Variants in CDK19 observed in about 807,000 individuals in gnomAD.
CDK19 encodes the protein cyclin dependent kinase 19, also known as cyclin-dependent kinase 19.
A neutral mutation model predicts 68.3 loss-of-function variants in CDK19; 20 were observed. The ratio of observed to expected loss-of-function variants is 0.29; its 90% CI spans 0.21 to 0.43. The LOEUF is 0.43. Among genes scored for constraint, CDK19 ranks in the 20% least tolerant of loss-of-function variants. CDK19 has a pLI of 1.00. For synonymous variants in CDK19, 221 were observed against 222.8 expected (o/e 0.99, Z 0.07); for missense variants, 339 against 623.5 (o/e 0.54, Z 4.86).
intron 4 of CDK19, among the ~76,000 whole-genome samples, chr6:110,648,524 AT>A (rs1293532159): frequency 1.3e-5 from 2 of 149,694 alleles, no homozygotes; most frequent in Non-Finnish European, 3.0e-5. Flanking sequence ...ACACCATGAA[AT>A]CTTTTTTCTT....
At chr6:110,740,460 C>T (rs1777570662) in intron 2 of CDK19, among the ~76,000 whole-genome samples, 1 of 152,160 alleles carries the variant, frequency 6.6e-6, no homozygotes, top group South Asian at 2.1e-4. Context: ...TATAATTAGC[C>T]TTTGGTCAAT....
At position 110,731,137 on chromosome 6, in the gene CDK19, A is replaced by G. The variant is rs866523899; in HGVS notation, c.204+14989T>C. Among the ~76,000 whole-genome samples, 9 of 124,912 alleles carry G rather than the reference A, an allele frequency of 7.2e-5. No homozygotes were observed. In the South Asian group the frequency reaches 1.1e-3, roughly 15 times the overall value. The allele number at this position is 124,912 out of a possible 152,430, so 81.9% of individuals were successfully genotyped here. Reference sequence around the variant, plus strand: ...AAGGAAAAGAAAAGAAAAGAAAAGAAAAAAGAAAAGAAAAGAAAAGAAATT... The same window carrying G: ...AAGGAAAAGAAAAGAAAAGAAAAGAGAAAAGAAAAGAAAAGAAAAGAAATT... On this transcript the variant is annotated intron_variant, in intron 2 of 12. Transcript: ENST00000368911.
At position 110,815,456 on chromosome 6, in the gene CDK19, T is replaced by G. The variant is rs1371007949; in HGVS notation, c.-320A>C. 2 of 221,290 alleles carry G rather than the reference T, an allele frequency of 9.0e-6. No homozygotes were observed. Among genetic ancestry groups the G allele is most frequent in the Non-Finnish European group, 1.8e-5 (2 of 114,060 alleles). 13.7% of individuals were successfully genotyped at this position (221,290 alleles called of 1,614,324 possible). A position where few individuals can be genotyped will look rare whatever the true frequency, so the allele number is the denominator to read the frequency against. Reference sequence around the variant, plus strand: ...CCGCGCCGTGGCTTCCTCGAGCTCATTAGCGAACTCACTGGCCCGCCCCAT... The same window carrying G: ...CCGCGCCGTGGCTTCCTCGAGCTCAGTAGCGAACTCACTGGCCCGCCCCAT... On this transcript the variant is annotated 5_prime_UTR_variant, in exon 1 of 13. The change abolishes an upstream ATG in the 5' untranslated region. Coordinates refer to ENST00000368911, the MANE Select transcript of CDK19 (RefSeq NM_015076.5).
intron 1 of CDK19, among the ~76,000 whole-genome samples, chr6:110,808,471 C>T (rs1168839876): frequency 1.2e-4 from 19 of 152,210 alleles, no homozygotes; most frequent in Admixed American, 1.2e-3. Context: ...GATGCTTTGG[C>T]ACTACAATAG....
intron 12 of CDK19, among the ~76,000 whole-genome samples, chr6:110,620,163 G>A (rs1778614823): frequency 6.6e-6 from 1 of 152,034 alleles, no homozygotes; most frequent in Non-Finnish European, 1.5e-5. Flanking sequence ...GTTTTTCAGA[G>A]TAGTTGTGTG....
intron 2 of CDK19, among the ~76,000 whole-genome samples, chr6:110,702,270 A>T (rs934807115): frequency 4.6e-5 from 7 of 152,106 alleles, no homozygotes; most frequent in Admixed American, 2.6e-4. Context: ...ACATAGTGAG[A>T]CCTCATCTCT....
chr6:110,709,354 C>A (rs1312733322), intron 2 of CDK19, among the ~76,000 whole-genome samples: 3 of 151,924 alleles, frequency 2.0e-5, no homozygotes, highest in Admixed American at 6.6e-5. Context: ...TAACACCTAT[C>A]GAGGGGTGGA....
At position 110,632,134 on chromosome 6, in the gene CDK19, T is replaced by C. The variant is rs1562139375; in HGVS notation, c.542A>G (p.Asn181Ser). 6.2e-7 allele frequency: 1 copy of C among 1,609,162 alleles called. No homozygotes were observed. Among genetic ancestry groups the C allele is most frequent in the Non-Finnish European group, 8.5e-7 (1 of 1,178,938 alleles). ...ATCTGCTAGTGGCTTTAGAGGAGAATTGAATAATCTGGCAAAACCCATGTC... is the reference window on the plus strand; with the variant it reads ...ATCTGCTAGTGGCTTTAGAGGAGAACTGAATAATCTGGCAAAACCCATGTC... ...IADMGFARLFNSPLKPLADLD... is the reference protein window; with the variant it reads ...IADMGFARLFSSPLKPLADLD... The change falls in exon 6 of 13, where the codon AAT becomes AGT. Residue 181 changes from asparagine to serine, a missense_variant. Physicochemically the swap from Asn to Ser is conservative, Grantham distance 46. Around this residue, in one of 4 missense-constraint regions of CDK19, gnomAD observed 120 missense variants for 224.0 expected, o/e 0.54. Coordinates refer to ENST00000368911, the MANE Select transcript of CDK19 (RefSeq NM_015076.5).
chr6:110,694,306 C>G (rs945754514), intron 2 of CDK19, among the ~76,000 whole-genome samples: 7 of 143,728 alleles, frequency 4.9e-5, no homozygotes, highest in African/African-American at 1.5e-4. Flanking sequence ...AAAAGATATG[C>G]AAAAGGAAAC....
chr6:110,758,235 A>G (rs147788671), intron 1 of CDK19, among the ~76,000 whole-genome samples: 1 of 152,238 alleles, frequency 6.6e-6, no homozygotes, highest in Admixed American at 6.5e-5. Context: ...AAACAATGAA[A>G]AACAATAAGA....
chr6:110,697,042 G>C (rs976031534), intron 2 of CDK19, among the ~76,000 whole-genome samples: 3 of 149,382 alleles, frequency 2.0e-5, no homozygotes, highest in Admixed American at 6.7e-5. Context: ...CTGGGTGACA[G>C]AGCGAAACTC....
At chr6:110,811,236 G>A (rs1783067829) in intron 1 of CDK19, among the ~76,000 whole-genome samples, 1 of 152,180 alleles carries the variant, frequency 6.6e-6, no homozygotes, top group African/African-American at 2.4e-5. Flanking sequence ...CAAACCGATT[G>A]TGAAAAACCC....
chr6:110,676,204 GAAC>G (rs1262653338), intron 2 of CDK19, among the ~76,000 whole-genome samples: 1 of 152,188 alleles, frequency 6.6e-6, no homozygotes, highest in African/African-American at 2.4e-5. Context: ...AATAACAAGA[GAAC>G]AACAATTAGA....
chr6:110,767,749 T>G (rs1339833577), intron 1 of CDK19, among the ~76,000 whole-genome samples: 1 of 152,156 alleles, frequency 6.6e-6, no homozygotes, highest in East Asian at 1.9e-4. Context: ...TCATTACACA[T>G]TGTATACATG....
At chr6:110,646,609 A>C in intron 4 of CDK19, 7 of 359,950 alleles carry the variant, frequency 1.9e-5, no homozygotes, top group Non-Finnish European at 3.0e-5. Flanking sequence ...GGGGGCGGGG[A>C]GGGGGGATTC....
intron 1 of CDK19, among the ~76,000 whole-genome samples, chr6:110,772,101 C>T (rs2114996855): frequency 6.6e-6 from 1 of 152,288 alleles, no homozygotes; most frequent in East Asian, 1.9e-4. Context: ...ATCTTTTCAG[C>T]AGCGCCCCAC....
chr6:110,734,520 G>GCTCGCTCT (rs991736850), intron 2 of CDK19, among the ~76,000 whole-genome samples: 28 of 85,780 alleles, frequency 3.3e-4, no homozygotes, highest in Non-Finnish European at 5.1e-4. Context: ...GGTGAGCACT[G>GCTCGCTCT]CTCTCTCTCT....
rs929873119 is a variant in CDK19 at position 110,612,259 on chromosome 6, C to T, written c.*2276G>A. 2.0e-5 allele frequency: 3 copies of T among 152,284 alleles called. No homozygotes were observed. Among genetic ancestry groups the T allele is most frequent in the Non-Finnish European group, 4.4e-5 (3 of 68,028 alleles). 9.4% of individuals were successfully genotyped at this position (152,284 alleles called of 1,614,324 possible). The stretch of plus-strand genomic sequence containing the variant: ...CACTTAGGAGAGTATGTTCTGCCTA[C>T]AAGGACCACCCAGTTGTTGTTAAAA... On this transcript the variant is annotated 3_prime_UTR_variant, in exon 13 of 13. Coordinates refer to ENST00000368911, the MANE Select transcript of CDK19 (RefSeq NM_015076.5).
chr6:110,790,453 T>C lies in CDK19; in HGVS notation c.128+24556A>G, dbSNP rs377616337. Among the ~76,000 whole-genome samples the C allele has an allele frequency of 3.7e-4, 57 of 152,114 alleles. No homozygotes were observed. In the East Asian group the frequency reaches 6.4e-3, roughly 17 times the overall value. On this transcript the variant is annotated intron_variant, in intron 1 of 12. Coordinates refer to ENST00000368911, the MANE Select transcript of CDK19 (RefSeq NM_015076.5). ...GGGAGGCTGAAGCATGAGAAACACT[T>C]GAAACTGGGAGGCAGAGGTTGCAGT...
Sources: gnomAD v4.1 joint callset for allele counts (sites outside exome capture counted in the v4.1 genomes callset) on GRCh38, gnomAD v4.1.1 for gene constraint, gnomAD v4.1.1 regional missense constraint, MANE v1.5 for transcripts, NCBI Gene and HGNC (gene_info 2026-07-23, HGNC 2026-07-21) for gene names.